The following TWIST2 variants were observed in gnomAD, a reference collection of about 807,000 sequenced individuals.
The protein encoded by TWIST2 is twist-related protein 2.
A neutral mutation model predicts 11.6 loss-of-function variants in TWIST2; 1 was observed. The observed-to-expected ratio is 0.09, with a 90% CI of 0.03 to 0.41. TWIST2 has a LOEUF of 0.41. Among genes scored for constraint, TWIST2 ranks in the 10% least tolerant of loss-of-function variants. The pLI is 0.98. For synonymous variants in TWIST2, 87 were observed against 96.6 expected (o/e 0.90, Z 0.58); for missense variants, 168 against 226.4 (o/e 0.74, Z 1.66).
Position 238,848,173 on chromosome 2 carries a change from G to C in TWIST2, c.-43G>C, listed in dbSNP as rs1417075885. 2.5e-6 allele frequency: 3 copies of C among 1,206,258 alleles called. No individual in the cohort carries two copies. Among genetic ancestry groups the C allele is most frequent in the Non-Finnish European group, 3.1e-6 (3 of 972,226 alleles). 74.7% of individuals were successfully genotyped at this position (1,206,258 alleles called of 1,614,324 possible). ...CGGGCTTGGCCAGCGGCGCGCGCTC[G>C]GCGCCCCGGCGCCCCCAGCCCCACG... On this transcript the variant is annotated 5_prime_UTR_variant, in exon 1 of 2. Transcript: ENST00000612363.
intron 1 of TWIST2, among the ~76,000 whole-genome samples, chr2:238,876,094 AAATC>A (rs1692799935): frequency 1.3e-5 from 2 of 152,202 alleles, no homozygotes; most frequent in African/African-American, 4.8e-5. Flanking sequence ...TGCTTGTCAG[AAATC>A]CTCCCAGTGC....
chr2:238,854,544 C>T (rs1339194519), intron 1 of TWIST2, among the ~76,000 whole-genome samples: 1 of 152,206 alleles, frequency 6.6e-6, no homozygotes, highest in Non-Finnish European at 1.5e-5. Context: ...GTTAGGGCAA[C>T]TTTTTGGCCT....
At chr2:238,860,730 G>T (rs1692416636) in intron 1 of TWIST2, among the ~76,000 whole-genome samples, 1 of 152,162 alleles carries the variant, frequency 6.6e-6, no homozygotes. Flanking sequence ...CTGAGGTCAG[G>T]AGTTTGAAAC....
At chr2:238,880,385 A>ATGTT (rs1692895137) in intron 1 of TWIST2, among the ~76,000 whole-genome samples, 1 of 128,878 alleles carries the variant, frequency 7.8e-6, no homozygotes, top group African/African-American at 3.0e-5. Context: ...ATTAGTATTA[A>ATGTT]TGTTAGTGTT....
chr2:238,868,885 C>T (rs1213248820), intron 1 of TWIST2, among the ~76,000 whole-genome samples: 1 of 152,198 alleles, frequency 6.6e-6, no homozygotes, highest in Non-Finnish European at 1.5e-5. Context: ...CAAGATGGTC[C>T]AGTGATGGAG....
chr2:238,862,905 G>A (rs1692458361), intron 1 of TWIST2, among the ~76,000 whole-genome samples: 1 of 152,210 alleles, frequency 6.6e-6, no homozygotes, highest in African/African-American at 2.4e-5. Flanking sequence ...GTAGGATGGA[G>A]CAGTTCATAC....
chr2:238,868,464 G>A (rs1164203499), intron 1 of TWIST2, among the ~76,000 whole-genome samples: 1 of 152,196 alleles, frequency 6.6e-6, no homozygotes, highest in East Asian at 1.9e-4. Context: ...GGGGGATGGG[G>A]GACTGGCTAA....
intron 1 of TWIST2, among the ~76,000 whole-genome samples, chr2:238,901,940 C>G (rs1303249479): frequency 6.6e-6 from 1 of 152,050 alleles, no homozygotes; most frequent in African/African-American, 2.4e-5. Context: ...GGGGTGAGAG[C>G]ATTTTTGCAT....
chr2:238,885,464 A>G (rs778762440), intron 1 of TWIST2, among the ~76,000 whole-genome samples: 2 of 152,218 alleles, frequency 1.3e-5, no homozygotes, highest in Non-Finnish European at 2.9e-5. Flanking sequence ...CTTGCTAGCT[A>G]TCTACTGTCC....
intron 1 of TWIST2, among the ~76,000 whole-genome samples, chr2:238,879,777 C>T (rs1378436129): frequency 4.6e-5 from 7 of 152,224 alleles, no homozygotes; most frequent in Non-Finnish European, 7.3e-5. Flanking sequence ...CCTGGACCTG[C>T]AGAAGGGCAT....
chr2:238,872,240 C>G (rs144721838), intron 1 of TWIST2, among the ~76,000 whole-genome samples: 20,135 of 152,132 alleles, frequency 0.13, 1,562 homozygotes, highest in African/African-American at 0.22. Context: ...CTCATTTAAC[C>G]TTAGTCCAAG....
intron 1 of TWIST2, among the ~76,000 whole-genome samples, chr2:238,874,244 C>CT (rs1692764763): frequency 1.3e-5 from 2 of 152,204 alleles, no homozygotes; most frequent in African/African-American, 4.8e-5. Flanking sequence ...GGGAACACGG[C>CT]TACCCAGATG....
Position 238,883,998 on chromosome 2 carries a change from A to G in TWIST2, c.*36-25844A>G, listed in dbSNP as rs1034743653. ...GTGATTGGCCTTTCCCCTGGGGTTAATCTGAATTCCCCTAGGGTTAATCCA... is the reference window on the plus strand; with the variant it reads ...GTGATTGGCCTTTCCCCTGGGGTTAGTCTGAATTCCCCTAGGGTTAATCCA... On this transcript the variant is annotated intron_variant, in intron 1 of 1. Coordinates refer to ENST00000612363, the MANE Select transcript of TWIST2 (RefSeq NM_001271893.4). Among the ~76,000 whole-genome samples, 27 of 152,164 alleles carry G rather than the reference A, an allele frequency of 1.8e-4. No individual in the cohort carries two copies. The East Asian group carries it at 3.9e-3, about 22-fold the overall frequency.
chr2:238,898,729 C>T (rs920351050), intron 1 of TWIST2, among the ~76,000 whole-genome samples: 168 of 152,314 alleles, frequency 1.1e-3, no homozygotes, highest in Non-Finnish European at 2.1e-3. Context: ...ATAGTGCCCT[C>T]GTGCTAAGGG....
intron 1 of TWIST2, among the ~76,000 whole-genome samples, chr2:238,869,154 G>C (rs1367999543): frequency 1.3e-5 from 2 of 152,240 alleles, no homozygotes; most frequent in Non-Finnish European, 2.9e-5. Flanking sequence ...GAGCAACGTG[G>C]ACTTGTTTGC....
intron 1 of TWIST2, among the ~76,000 whole-genome samples, chr2:238,878,546 G>C (rs1414601841): frequency 6.6e-6 from 1 of 152,196 alleles, no homozygotes; most frequent in East Asian, 1.9e-4. Flanking sequence ...AGCCTGTGGG[G>C]ACAAGGGTCA....
chr2:238,870,577 A>ACACACACATCACATACCACACACAAACC, intron 1 of TWIST2, among the ~76,000 whole-genome samples: 1 of 56,006 alleles, frequency 1.8e-5, no homozygotes, highest in African/African-American at 8.4e-5. Context: ...ACCACACACC[A>ACACACACATCACATACCACACACAAACC]CACACACACA....
intron 1 of TWIST2, among the ~76,000 whole-genome samples, chr2:238,872,443 C>G (rs927858751): frequency 1.6e-4 from 24 of 152,160 alleles, no homozygotes; most frequent in Non-Finnish European, 3.4e-4. Context: ...AGGTTGAATC[C>G]AAACCCTTGT....
intron 1 of TWIST2, among the ~76,000 whole-genome samples, chr2:238,873,818 G>A (rs1223556210): frequency 7.2e-5 from 11 of 152,146 alleles, no homozygotes; most frequent in Non-Finnish European, 1.5e-4. Context: ...ATAATAAAAA[G>A]CCTTTGTTTG....
Sources: gnomAD v4.1 joint callset for allele counts (sites outside exome capture counted in the v4.1 genomes callset) on GRCh38, gnomAD v4.1.1 for gene constraint, MANE v1.5 for transcripts, NCBI Gene and HGNC (gene_info 2026-07-23, HGNC 2026-07-21) for gene names.